The following RPH3A variants were observed in gnomAD, a reference collection of about 807,000 sequenced individuals.
The protein encoded by RPH3A is rabphilin 3A, also known as rabphilin-3A.
A neutral mutation model predicts 102.2 loss-of-function variants in RPH3A; 48 were observed. The observed-to-expected ratio is 0.47, with a 90% CI of 0.37 to 0.60. RPH3A has a LOEUF of 0.60. Ranked by LOEUF, RPH3A falls within the 20% of genes least tolerant of loss-of-function variation. RPH3A has a pLI of 0.00. For synonymous variants in RPH3A, 310 were observed against 324.3 expected, an observed-to-expected ratio of 0.96 and a Z score of 0.47; for missense variants, 781 against 910.1, an observed-to-expected ratio of 0.86 and a Z score of 1.83.
At position 112,888,912 on chromosome 12, in the gene RPH3A, G is replaced by C. The variant is rs149140732; in HGVS notation, c.1563+989G>C. 1.4e-3 allele frequency among the ~76,000 whole-genome samples: 206 copies of C among 152,252 alleles called. 1 individual carries two copies. The highest frequency in any genetic ancestry group is 4.6e-3 in the African/African-American group (191 of 41,516). On this transcript the variant is annotated intron_variant, in intron 17 of 21. Coordinates refer to ENST00000389385, the MANE Select transcript of RPH3A (RefSeq NM_001143854.2). ...CCTTGCCTTACGTATGGGCCAACTT[G>C]GGCCCAGAAAGGGTAGCAAGTCTCC...
rs200095527 is a variant in RPH3A at position 112,727,502 on chromosome 12, C to CACACA, written c.-139-64641_-139-64640insACACA. Reference sequence around the variant, plus strand: ...ACACACACACACACAGACCCCCCCCCCCCACACACATATATATATATAGGC... The same window carrying CACACA: ...ACACACACACACACAGACCCCCCCCCACACACCCACACACATATATATATATAGGC... On this transcript the variant is annotated intron_variant, in intron 1 of 21. Coordinates refer to the RPH3A transcript ENST00000543106. Among the ~76,000 whole-genome samples the CACACA allele has an allele frequency of 2.7e-3, 260 of 96,722 alleles. 9 individuals carry two copies. Among genetic ancestry groups the CACACA allele is most frequent in the African/African-American group, 0.011 (254 of 22,184 alleles). 63.5% of individuals were successfully genotyped at this position (96,722 alleles called of 152,430 possible).
intron 1 of RPH3A, among the ~76,000 whole-genome samples, chr12:112,738,218 G>A (rs1236059157): frequency 6.6e-6 from 1 of 151,390 alleles, no homozygotes. Context: ...TTAGAGACAG[G>A]GTCTCACTCT....
chr12:112,680,203 G>T (rs956037354), intron 1 of RPH3A, among the ~76,000 whole-genome samples: 1 of 152,214 alleles, frequency 6.6e-6, no homozygotes, highest in Admixed American at 6.5e-5. Flanking sequence ...GCTGCAGGAA[G>T]AAGTTGGGAT....
intron 1 of RPH3A, among the ~76,000 whole-genome samples, chr12:112,762,175 C>T (rs1277321173): frequency 6.6e-6 from 1 of 152,132 alleles, no homozygotes; most frequent in African/African-American, 2.4e-5. Context: ...TTGTATTTCC[C>T]CAACTAGATT....
chr12:112,727,493 A>ACACCC (rs1284810799), intron 1 of RPH3A, among the ~76,000 whole-genome samples: 1 of 41,624 alleles, frequency 2.4e-5, no homozygotes, highest in Non-Finnish European at 4.5e-5. Context: ...ACACACACAG[A>ACACCC]CCCCCCCCCC....
At chr12:112,751,855 T>G (rs1300720597) in intron 1 of RPH3A, among the ~76,000 whole-genome samples, 3 of 152,352 alleles carry the variant, frequency 2.0e-5, no homozygotes, top group Admixed American at 6.5e-5. Context: ...TTTTAACCAA[T>G]TATAGTATGG....
intron 1 of RPH3A, among the ~76,000 whole-genome samples, chr12:112,703,706 T>C (rs987720716): frequency 6.6e-6 from 1 of 152,224 alleles, no homozygotes; most frequent in African/African-American, 2.4e-5. Flanking sequence ...TTTATCTCCC[T>C]GTCTCACGAC....
intron 1 of RPH3A, among the ~76,000 whole-genome samples, chr12:112,723,374 G>A (rs2040564442): frequency 6.6e-6 from 1 of 152,158 alleles, no homozygotes. Context: ...CCATAAGGAA[G>A]AGAAAATACA....
rs182057769 is a variant in RPH3A at position 112,757,376 on chromosome 12, T to C, written c.-139-34767T>C. On this transcript the variant is annotated intron_variant, in intron 1 of 21. Transcript: ENST00000543106. The stretch of plus-strand genomic sequence containing the variant: ...AGCTGAGAATTTCCAGGGGCTGTCA[T>C]AGACCTCAGTAGGACATTCAATGGG... Among the ~76,000 whole-genome samples, 391 of 152,304 alleles carry C rather than the reference T, an allele frequency of 2.6e-3. 2 individuals are homozygous for C. The highest frequency in any genetic ancestry group is 6.2e-3 in the South Asian group (30 of 4,820).
chr12:112,637,001 T>C (rs1174075380), intron 1 of RPH3A, among the ~76,000 whole-genome samples: 2 of 152,164 alleles, frequency 1.3e-5, no homozygotes, highest in African/African-American at 2.4e-5. Context: ...CCCCACTTTG[T>C]TGAACCCTGA....
In RPH3A at chr12:112,713,013, C is replaced by T. The variant is rs1215390215; in HGVS notation, c.-139-79130C>T. ...TCTTTGTCTTCCTCTTCCTCTTCCT[C>T]TTCCTCTTCCTCTTCTTCTTCTTCT... On this transcript the variant is annotated intron_variant, in intron 1 of 21. Transcript: ENST00000543106. Among the ~76,000 whole-genome samples, 15 of 73,548 alleles carry T rather than the reference C, an allele frequency of 2.0e-4. 1 individual carries two copies. Among genetic ancestry groups the T allele is most frequent in the East Asian group, 1.4e-3 (4 of 2,834 alleles). The allele number at this position is 73,548 out of a possible 152,430, so 48.3% of individuals were successfully genotyped here.
intron 1 of RPH3A, among the ~76,000 whole-genome samples, chr12:112,646,643 A>G (rs191859180): frequency 3.9e-5 from 6 of 152,286 alleles, no homozygotes; most frequent in Admixed American, 3.9e-4. Flanking sequence ...GTGAGGTTGG[A>G]CAGTTTCCTG....
upstream of RPH3A, among the ~76,000 whole-genome samples, chr12:112,786,846 T>C (rs888397899): frequency 5.3e-5 from 8 of 152,200 alleles, no homozygotes; most frequent in Admixed American, 3.3e-4. Flanking sequence ...GAAGACAACA[T>C]AGATTAATTA....
rs1319324527 is a variant in RPH3A at position 112,896,732 on chromosome 12, A to G, written c.2037A>G (p.Ile679Met). 6.2e-7 allele frequency: 1 copy of G among 1,614,172 alleles called. No homozygotes were observed. The highest frequency in any genetic ancestry group is 8.5e-7 in the Non-Finnish European group (1 of 1,180,020). Reference sequence around the variant, plus strand: ...GTCTGAAAAATAAAGACAAGAAGATAGAGCGCTGGCACCAGCTACAGAATG... The same window carrying G: ...GTCTGAAAAATAAAGACAAGAAGATGGAGCGCTGGCACCAGCTACAGAATG... Reference protein sequence around the residue: ...YECLKNKDKKIERWHQLQNEN... With the variant: ...YECLKNKDKKMERWHQLQNEN... Residue 679 changes from isoleucine to methionine, a missense_variant, in exon 22 of 22, where the codon ATA becomes ATG. Coordinates refer to ENST00000389385, the MANE Select transcript of RPH3A (RefSeq NM_001143854.2).
intron 1 of RPH3A, among the ~76,000 whole-genome samples, chr12:112,625,079 G>A (rs1288194648): frequency 9.0e-6 from 1 of 110,672 alleles, no homozygotes; most frequent in Non-Finnish European, 1.7e-5. Flanking sequence ...AGCTATCTAT[G>A]ACAAACCCAC....
chr12:112,773,723 G>T (rs1331828099), intron 1 of RPH3A, among the ~76,000 whole-genome samples: 2 of 151,862 alleles, frequency 1.3e-5, no homozygotes, highest in African/African-American at 2.4e-5. Context: ...AGAGGTGGGG[G>T]TGGGAGCAGG....
At chr12:112,829,014 A>G (rs368331499) in intron 3 of RPH3A, among the ~76,000 whole-genome samples, 1 of 152,176 alleles carries the variant, frequency 6.6e-6, no homozygotes, top group Non-Finnish European at 1.5e-5. Context: ...CACTGTCCCC[A>G]TCATTCCTTG....
At chr12:112,598,355 G>C (rs755010986) in intron 1 of RPH3A, among the ~76,000 whole-genome samples, 2 of 152,190 alleles carry the variant, frequency 1.3e-5, no homozygotes, top group Non-Finnish European at 2.9e-5. Context: ...AAAGGTGTTA[G>C]GGACATCAGT....
intron 4 of RPH3A, among the ~76,000 whole-genome samples, chr12:112,841,777 G>C (rs2042152202): frequency 6.8e-6 from 1 of 146,644 alleles, no homozygotes; most frequent in Non-Finnish European, 1.5e-5. Context: ...TATCCAGATT[G>C]AGAAAGGAAA....
Sources: gnomAD v4.1 joint callset for allele counts (sites outside exome capture counted in the v4.1 genomes callset) on GRCh38, gnomAD v4.1.1 for gene constraint, MANE v1.5 for transcripts, NCBI Gene and HGNC (gene_info 2026-07-23, HGNC 2026-07-21) for gene names.